The following UHRF2 variants were observed in gnomAD, a reference collection of about 807,000 sequenced individuals.
The protein encoded by UHRF2 is E3 ubiquitin-protein ligase UHRF2.
A neutral mutation model predicts 96.8 loss-of-function variants in UHRF2; 23 were observed. The observed-to-expected ratio is 0.24, with a 90% CI of 0.17 to 0.34. UHRF2 has a LOEUF of 0.34. UHRF2 is among the 10% of genes least tolerant of loss of function. The pLI, the probability that UHRF2 is intolerant of heterozygous loss-of-function variation, is 1.00. For synonymous variants in UHRF2, 385 were observed against 332.6 expected (o/e 1.16, Z -1.72); for missense variants, 685 against 981.5 (o/e 0.70, Z 4.04).
intron 14 of UHRF2, chr9:6,504,276 C>CATTAAAAAA: frequency 2.4e-5 from 4 of 165,240 alleles, no homozygotes; most frequent in South Asian, 1.4e-4. Flanking sequence ...CCGCCTGCCT[C>CATTAAAAAA]GGCCTCCCAA....
At chr9:6,498,410 C>G (rs1321972367) in intron 12 of UHRF2, 1 of 310,720 alleles carries the variant, frequency 3.2e-6, no homozygotes, top group African/African-American at 2.2e-5. Flanking sequence ...ATTTCCAAAT[C>G]AATTTGGAAA....
At chr9:6,461,611 A>G (rs536041548) in intron 4 of UHRF2, among the ~76,000 whole-genome samples, 32 of 151,552 alleles carry the variant, frequency 2.1e-4, no homozygotes, top group African/African-American at 7.8e-4. Context: ...CCCTCAAGTG[A>G]TGTACCCGCC....
chr9:6,500,743 G>T, intron 14 of UHRF2, 34 bp downstream of exon 14: 1 of 1,558,944 alleles, frequency 6.4e-7, no homozygotes. Flanking sequence ...ATAACATTCT[G>T]ATATTAACAA....
At chr9:6,449,783 C>G (rs569075755) in intron 3 of UHRF2, among the ~76,000 whole-genome samples, 1 of 152,300 alleles carries the variant, frequency 6.6e-6, no homozygotes, top group South Asian at 2.1e-4. Flanking sequence ...CTAGGCAGTA[C>G]CTGTTATCAG....
chr9:6,467,775 A>G (rs1822967915), intron 4 of UHRF2, among the ~76,000 whole-genome samples: 1 of 151,972 alleles, frequency 6.6e-6, no homozygotes, highest in South Asian at 2.1e-4. Context: ...TTTTTAGACC[A>G]CATAGGTAGC....
intron 1 of UHRF2, 34 bp from the exon 2 acceptor site, chr9:6,420,878 A>G (rs764028557): frequency 5.9e-6 from 9 of 1,531,306 alleles, no homozygotes; most frequent in Non-Finnish European, 8.1e-6. Flanking sequence ...TACATTTTAG[A>G]GAAGCATTTC....
intron 3 of UHRF2, among the ~76,000 whole-genome samples, chr9:6,456,895 T>C (rs1195493909): frequency 6.6e-6 from 1 of 151,684 alleles, no homozygotes; most frequent in Non-Finnish European, 1.5e-5. Flanking sequence ...GGTCTACATG[T>C]CTGTTTTGGT....
intron 4 of UHRF2, among the ~76,000 whole-genome samples, chr9:6,465,876 C>G (rs906186084): frequency 6.6e-6 from 1 of 152,122 alleles, no homozygotes; most frequent in African/African-American, 2.4e-5. Context: ...TATGCTTGAA[C>G]TGTCTAATTC....
At chr9:6,431,800 G>T (rs1820576009) in intron 2 of UHRF2, among the ~76,000 whole-genome samples, 2 of 152,298 alleles carry the variant, frequency 1.3e-5, no homozygotes, top group South Asian at 4.1e-4. Flanking sequence ...GGCAAATTCA[G>T]TACTTCATTT....
At chr9:6,490,308 A>T (rs535179457) in intron 9 of UHRF2, among the ~76,000 whole-genome samples, 1 of 152,226 alleles carries the variant, frequency 6.6e-6, no homozygotes, top group Non-Finnish European at 1.5e-5. Context: ...CACGGACTCA[A>T]ATGTTAGTTA....
chr9:6,500,004 C>T (rs1357311185), intron 13 of UHRF2, 73 bp downstream of exon 13: 22 of 1,201,232 alleles, frequency 1.8e-5, no homozygotes, highest in Non-Finnish European at 2.6e-5. Context: ...CGGGGTCTCA[C>T]TCTTGTCACC....
intron 4 of UHRF2, among the ~76,000 whole-genome samples, chr9:6,471,172 A>G (rs554664307): frequency 2.2e-4 from 33 of 152,218 alleles, no homozygotes; most frequent in Non-Finnish European, 3.7e-4. Flanking sequence ...AAACTCATGG[A>G]CAGCATCTAC....
intron 4 of UHRF2, among the ~76,000 whole-genome samples, chr9:6,464,132 C>T (rs1251150809): frequency 6.6e-6 from 1 of 152,166 alleles, no homozygotes; most frequent in Non-Finnish European, 1.5e-5. Flanking sequence ...TTCCACTAAT[C>T]AGGTGGGTAT....
chr9:6,459,877 G>T (rs945090123), intron 3 of UHRF2, among the ~76,000 whole-genome samples: 2 of 152,326 alleles, frequency 1.3e-5, no homozygotes, highest in African/African-American at 2.4e-5. Context: ...GGCAGCTCAG[G>T]CTCGGGGATT....
At chr9:6,500,782 T>TTTTTCACACATCAG in intron 14 of UHRF2, 73 bp downstream of exon 14, 1 of 1,395,974 alleles carries the variant, frequency 7.2e-7, no homozygotes, top group Admixed American at 2.2e-5. Context: ...ATGAAGTCTG[T>TTTTTCACACATCAG]TTTTCACACA....
intron 4 of UHRF2, among the ~76,000 whole-genome samples, chr9:6,463,780 T>G (rs1440082200): frequency 6.6e-6 from 1 of 151,302 alleles, no homozygotes; most frequent in African/African-American, 2.4e-5. Flanking sequence ...GAAAAAAAAT[T>G]TTTTTTTTTA....
chr9:6,480,665 T>C (rs1459065356), intron 6 of UHRF2, among the ~76,000 whole-genome samples: 1 of 152,214 alleles, frequency 6.6e-6, no homozygotes, highest in East Asian at 1.9e-4. Context: ...ATACAGTTAG[T>C]TATAAAGATG....
chr9:6,418,512 A>G (rs1692705812), intron 1 of UHRF2, among the ~76,000 whole-genome samples: 1 of 152,138 alleles, frequency 6.6e-6, no homozygotes, highest in South Asian at 2.1e-4. Context: ...ACCTGAGTTC[A>G]AATTACTGAT....
intron 14 of UHRF2, among the ~76,000 whole-genome samples, chr9:6,503,835 T>A (rs928885015): frequency 6.6e-6 from 1 of 152,044 alleles, no homozygotes; most frequent in African/African-American, 2.4e-5. Context: ...AAATAGTTTG[T>A]CCCTGGAATG....
Sources: allele counts gnomAD v4.1 joint callset (sites outside exome capture counted in the v4.1 genomes callset), GRCh38; gene constraint gnomAD v4.1.1; transcripts MANE v1.5; gene names NCBI Gene and HGNC (gene_info 2026-07-23, HGNC 2026-07-21).